Variants in GPC5 observed in about 807,000 individuals in gnomAD.
GPC5 encodes glypican 5.
A neutral mutation model predicts 53.9 loss-of-function variants in GPC5; 47 were observed. That is an observed-to-expected ratio of 0.87 (90% CI 0.69 to 1.11). The LOEUF is 1.11. GPC5 is among the 50% of genes most tolerant of loss of function. The probability of loss-of-function intolerance (pLI) is 0.00; values close to 1 mark genes in which losing one functional copy is unlikely to be tolerated. For synonymous variants in GPC5, 286 were observed against 263.3 expected (o/e 1.09, Z -0.84); for missense variants, 748 against 713.1 (o/e 1.05, Z -0.56).
At chr13:92,283,039 A>T (rs892792633) in intron 7 of GPC5, among the ~76,000 whole-genome samples, 1 of 152,234 alleles carries the variant, frequency 6.6e-6, no homozygotes, top group South Asian at 2.1e-4. Flanking sequence ...AAATAAAGGG[A>T]TGGAGGAAGA....
chr13:92,719,020 A>G (rs1474223024), intron 7 of GPC5, among the ~76,000 whole-genome samples: 1 of 152,112 alleles, frequency 6.6e-6, no homozygotes, highest in Non-Finnish European at 1.5e-5. Flanking sequence ...TTATAAGACT[A>G]TCAAAATATC....
chr13:91,738,454 A>C (rs976283892), intron 4 of GPC5, among the ~76,000 whole-genome samples: 1 of 151,090 alleles, frequency 6.6e-6, no homozygotes, highest in Non-Finnish European at 1.5e-5. Context: ...AGTATTTATT[A>C]AGTGGTGATA....
At chr13:92,067,777 C>A (rs2041178844) in intron 6 of GPC5, among the ~76,000 whole-genome samples, 1 of 151,976 alleles carries the variant, frequency 6.6e-6, no homozygotes, top group Admixed American at 6.6e-5. Flanking sequence ...ACACATGTAT[C>A]TGTGTATGTG....
intron 7 of GPC5, among the ~76,000 whole-genome samples, chr13:92,180,082 A>G (rs926952915): frequency 2.6e-5 from 4 of 152,130 alleles, no homozygotes; most frequent in African/African-American, 9.7e-5. Context: ...TCAAATGTTT[A>G]TTTTTTAGCA....
chr13:91,869,977 A>T (rs1416323068), intron 5 of GPC5, among the ~76,000 whole-genome samples: 1 of 152,168 alleles, frequency 6.6e-6, no homozygotes, highest in East Asian at 1.9e-4. Context: ...AACACTGGGG[A>T]TTACAGTTCA....
chr13:91,685,592 ATC>A lies in GPC5; in HGVS notation c.326-7593_326-7592del, dbSNP rs1410379871. On this transcript the variant is annotated intron_variant, in intron 2 of 7. Coordinates refer to ENST00000377067, the MANE Select transcript of GPC5 (RefSeq NM_004466.6). ...TAACATAACAATAAATCATTTATAT[ATC>A]TGTTTGCTTTTATACTTTATCTTTT... Among the ~76,000 whole-genome samples the A allele has an allele frequency of 7.9e-5, 12 of 152,296 alleles. No homozygotes were observed. The East Asian group carries it at 2.3e-3, about 29-fold the overall frequency.
At chr13:92,184,024 T>C (rs2042165662) in intron 7 of GPC5, among the ~76,000 whole-genome samples, 1 of 152,098 alleles carries the variant, frequency 6.6e-6, no homozygotes, top group Admixed American at 6.5e-5. Flanking sequence ...TAATTTTATA[T>C]TGTCTGCTAG....
intron 7 of GPC5, among the ~76,000 whole-genome samples, chr13:92,436,503 A>G (rs1167544345): frequency 6.6e-6 from 1 of 152,042 alleles, no homozygotes; most frequent in Non-Finnish European, 1.5e-5. Flanking sequence ...TCTTGGCACT[A>G]TTTTCCCAAT....
intron 7 of GPC5, among the ~76,000 whole-genome samples, chr13:92,650,155 A>G (rs1566342151): frequency 6.6e-6 from 1 of 152,224 alleles, no homozygotes; most frequent in East Asian, 1.9e-4. Context: ...CAATATACCT[A>G]ATTCTTCAGT....
intron 6 of GPC5, among the ~76,000 whole-genome samples, chr13:92,132,093 C>G (rs543822988): frequency 6.6e-6 from 1 of 151,756 alleles, no homozygotes; most frequent in East Asian, 1.9e-4. Context: ...ATTAAAGAAC[C>G]GTTGCTACAT....
chr13:91,738,465 A>T (rs1342311477), intron 4 of GPC5, among the ~76,000 whole-genome samples: 1 of 151,100 alleles, frequency 6.6e-6, no homozygotes, highest in East Asian at 1.9e-4. Flanking sequence ...AGTGGTGATA[A>T]ATCAGTCTTT....
intron 5 of GPC5, among the ~76,000 whole-genome samples, chr13:91,813,729 G>T (rs1439169622): frequency 1.3e-5 from 2 of 152,014 alleles, no homozygotes; most frequent in Non-Finnish European, 2.9e-5. Flanking sequence ...TTTTGTAAAA[G>T]TAAGAAATTT....
chr13:92,551,860 C>A (rs1307629044), intron 7 of GPC5, among the ~76,000 whole-genome samples: 1 of 151,812 alleles, frequency 6.6e-6, no homozygotes, highest in Non-Finnish European at 1.5e-5. Context: ...GAAAAGAAGT[C>A]AAGCAAGTCT....
At chr13:92,089,784 A>C (rs1342709700) in intron 6 of GPC5, among the ~76,000 whole-genome samples, 1 of 152,178 alleles carries the variant, frequency 6.6e-6, no homozygotes, top group East Asian at 1.9e-4. Context: ...TCCATTAATT[A>C]TTCAGTTCCC....
chr13:92,379,673 AGTTCCTCTCTGTGCCCCCTGCATATTT>A (rs1289113806), intron 7 of GPC5, among the ~76,000 whole-genome samples: 14 of 150,844 alleles, frequency 9.3e-5, no homozygotes, highest in Admixed American at 5.3e-4. Context: ...CCTGCATATT[AGTTCCTCTCTGTGCCCCCTGCATATTT>A]GTTCCTCGCT....
chr13:92,727,171 A>T (rs1888671252), intron 7 of GPC5, among the ~76,000 whole-genome samples: 1 of 151,512 alleles, frequency 6.6e-6, no homozygotes, highest in Non-Finnish European at 1.5e-5. Context: ...CCACGCTAAG[A>T]TAATGTAGCT....
chr13:91,919,534 A>T (rs2039690899), intron 6 of GPC5, among the ~76,000 whole-genome samples: 2 of 152,228 alleles, frequency 1.3e-5, no homozygotes, highest in South Asian at 4.1e-4. Context: ...CTTTTGGTTA[A>T]ATGTGAAAAT....
chr13:91,866,165 G>A (rs1311160191), intron 5 of GPC5, among the ~76,000 whole-genome samples: 2 of 151,978 alleles, frequency 1.3e-5, no homozygotes, highest in Admixed American at 1.3e-4. Flanking sequence ...ACTGTGCTCG[G>A]CCATGAATAC....
intron 2 of GPC5, among the ~76,000 whole-genome samples, chr13:91,622,092 C>T (rs1252952591): frequency 6.6e-6 from 1 of 151,974 alleles, no homozygotes; most frequent in Non-Finnish European, 1.5e-5. Flanking sequence ...TCTTCTCTTG[C>T]CTGCTTTATT....
Sources: allele counts gnomAD v4.1 joint callset (sites outside exome capture counted in the v4.1 genomes callset), GRCh38; gene constraint gnomAD v4.1.1; transcripts MANE v1.5; gene names NCBI Gene and HGNC (gene_info 2026-07-23, HGNC 2026-07-21).